The following ROBO1 variants were observed in gnomAD, a reference collection of about 807,000 sequenced individuals.
ROBO1 encodes the protein roundabout guidance receptor 1, also known as roundabout homolog 1.
A neutral mutation model predicts 195.9 loss-of-function variants in ROBO1; 149 were observed. The observed-to-expected ratio is 0.76, with a 90% confidence interval of 0.67 to 0.87. The LOEUF (loss-of-function observed/expected upper bound fraction) is 0.87, where lower values mean the gene tolerates loss of function less well. Ranked by LOEUF, ROBO1 falls within the 40% of genes least tolerant of loss-of-function variation. The pLI, the probability that ROBO1 is intolerant of heterozygous loss-of-function variation, is 0.00. For missense variants in ROBO1, 1,933 were observed against 2,068.3 expected (o/e 0.93, Z 1.27); for synonymous variants, 816 against 733.2 (o/e 1.11, Z -1.82).
intron 10 of ROBO1, among the ~76,000 whole-genome samples, chr3:78,677,861 C>A (rs1245270580): frequency 1.3e-5 from 2 of 151,880 alleles, no homozygotes; most frequent in Non-Finnish European, 2.9e-5. Context: ...CCCAAATCAA[C>A]AGAATATACA....
At chr3:79,288,664 C>T (rs367887767) in intron 2 of ROBO1, among the ~76,000 whole-genome samples, 1 of 152,112 alleles carries the variant, frequency 6.6e-6, no homozygotes, top group African/African-American at 2.4e-5. Context: ...GTTATTGGAC[C>T]CGCTTCCTTT....
intron 5 of ROBO1, among the ~76,000 whole-genome samples, chr3:78,720,654 T>C (rs1463687600): frequency 6.6e-6 from 1 of 152,200 alleles, no homozygotes; most frequent in African/African-American, 2.4e-5. Context: ...CGCATGTTTA[T>C]TATGGCACTA....
intron 5 of ROBO1, among the ~76,000 whole-genome samples, chr3:78,744,438 C>T (rs1398878979): frequency 2.0e-5 from 3 of 152,150 alleles, no homozygotes; most frequent in Non-Finnish European, 4.4e-5. Flanking sequence ...AGGCTTCCCA[C>T]CTTACTTAGA....
intron 1 of ROBO1, among the ~76,000 whole-genome samples, chr3:79,605,576 G>A (rs891848383): frequency 1.4e-4 from 22 of 151,806 alleles, no homozygotes; most frequent in African/African-American, 5.3e-4. Flanking sequence ...AGGTACTCAG[G>A]CTAGATTCCT....
chr3:78,935,789 A>G (rs1020725995), intron 4 of ROBO1, among the ~76,000 whole-genome samples: 7 of 152,064 alleles, frequency 4.6e-5, no homozygotes, highest in African/African-American at 1.7e-4. Context: ...TAAAAAATAA[A>G]TTTTAAAATC....
intron 3 of ROBO1, among the ~76,000 whole-genome samples, chr3:79,086,194 G>A (rs1318719097): frequency 1.3e-5 from 2 of 151,364 alleles, no homozygotes; most frequent in Non-Finnish European, 2.9e-5. Context: ...TCCCTCAAAA[G>A]CTTCCGTGTA....
At chr3:79,525,853 G>T (rs922676506) in intron 2 of ROBO1, among the ~76,000 whole-genome samples, 6 of 151,676 alleles carry the variant, frequency 4.0e-5, no homozygotes, top group East Asian at 1.9e-4. Flanking sequence ...CTCGTGTTCC[G>T]CCTGCCTCAG....
rs1404860368 is a variant in ROBO1 at position 78,711,368 on chromosome 3, TTCCTTC to T, written c.1045+3023_1045+3028del. Among the ~76,000 whole-genome samples, 60 of 59,846 alleles carry T rather than the reference TTCCTTC, an allele frequency of 1.0e-3. 18 individuals are homozygous for T. The highest frequency in any genetic ancestry group is 4.1e-3 in the East Asian group (9 of 2,186). The allele number at this position is 59,846 out of a possible 152,430, so 39.3% of individuals were successfully genotyped here. ...CCTTCCTCCTTCCTTCCTTCCTTCCTTCCTTCCTTCCTTCCTTCCTTCCTTCCTTCC... is the reference window on the plus strand; with the variant it reads ...CCTTCCTCCTTCCTTCCTTCCTTCCTCTTCCTTCCTTCCTTCCTTCCTTCC... On this transcript the variant is annotated intron_variant, in intron 8 of 30. Coordinates refer to ENST00000464233, the MANE Select transcript of ROBO1 (RefSeq NM_002941.4).
rs572672036 is a variant in ROBO1 at position 79,517,984 on chromosome 3, G to A, written c.88+71840C>T. 2.6e-5 allele frequency among the ~76,000 whole-genome samples: 4 copies of A among 152,088 alleles called. No individual in the cohort carries two copies. The South Asian group carries it at 8.3e-4, about 32-fold the overall frequency. On this transcript the variant is annotated intron_variant, in intron 2 of 30. Coordinates refer to ENST00000464233, the MANE Select transcript of ROBO1 (RefSeq NM_002941.4). ...CAGGGTGTTAGGGTTTATTGACCAC[G>A]TTGGCTTGGAGAGCCATCTGGTGGT...
At chr3:78,810,659 G>GGGAAAAGTAAA in intron 4 of ROBO1, among the ~76,000 whole-genome samples, 1 of 151,190 alleles carries the variant, frequency 6.6e-6, no homozygotes, top group South Asian at 2.1e-4. Context: ...TTCTGGTTCT[G>GGGAAAAGTAAA]ATTTACAATG....
chr3:78,669,105 A>T (rs1339531858), intron 11 of ROBO1, among the ~76,000 whole-genome samples: 2 of 152,204 alleles, frequency 1.3e-5, no homozygotes, highest in African/African-American at 4.8e-5. Flanking sequence ...AAGAAGTACA[A>T]AGCCAAACTC....
At chr3:78,696,302 A>AG (rs1382534383) in intron 8 of ROBO1, among the ~76,000 whole-genome samples, 1 of 152,052 alleles carries the variant, frequency 6.6e-6, no homozygotes, top group African/African-American at 2.4e-5. Context: ...TTGCTAAGAG[A>AG]GGGGAAAAGC....
At chr3:78,609,809 A>G (rs776825325) in intron 28 of ROBO1, among the ~76,000 whole-genome samples, 41 of 152,332 alleles carry the variant, frequency 2.7e-4, no homozygotes, top group African/African-American at 9.1e-4. Flanking sequence ...TCATGGCCCT[A>G]AGAAGCATCA....
intron 3 of ROBO1, among the ~76,000 whole-genome samples, chr3:79,079,047 T>G (rs1461030009): frequency 6.6e-6 from 1 of 151,736 alleles, no homozygotes; most frequent in African/African-American, 2.4e-5. Flanking sequence ...TGCACTCACA[T>G]TATCATATAA....
At chr3:79,107,707 A>G (rs1315483790) in intron 3 of ROBO1, among the ~76,000 whole-genome samples, 1 of 151,720 alleles carries the variant, frequency 6.6e-6, no homozygotes, top group Non-Finnish European at 1.5e-5. Context: ...AAAACTCTCA[A>G]TACAGGTAAT....
intron 2 of ROBO1, among the ~76,000 whole-genome samples, chr3:79,249,647 G>A (rs946502235): frequency 2.0e-5 from 3 of 152,172 alleles, no homozygotes; most frequent in African/African-American, 7.2e-5. Flanking sequence ...CTTTAGGTGA[G>A]TAAGTGCAAT....
At chr3:79,740,235 A>AT (rs1703579291) in intron 1 of ROBO1, among the ~76,000 whole-genome samples, 4 of 34,896 alleles carry the variant, frequency 1.1e-4, no homozygotes, top group Non-Finnish European at 1.9e-4. Context: ...ATTTATATAT[A>AT]AATATATATA....
In ROBO1 at chr3:78,662,049, G is replaced by C. The variant is rs1327510404; in HGVS notation, c.2032C>G (p.Leu678Val). ...AGGACGGTGGGGTTGTGGAGGTGCAGAACAGCATTTCCCAGCTCTCTCTGG... is the reference window on the plus strand; with the variant it reads ...AGGACGGTGGGGTTGTGGAGGTGCACAACAGCATTTCCCAGCTCTCTCTGG... ...QVQRELGNAV[L>V]HLHNPTVLSS... The change falls in exon 15 of 31, where the codon CTG becomes GTG. Residue 678 changes from leucine to valine, a missense_variant. This residue lies in a region of ROBO1 where 1,737 missense variants were observed against 1,882.5 expected (regional missense o/e 0.92). Coordinates refer to ENST00000464233, the MANE Select transcript of ROBO1 (RefSeq NM_002941.4). The C allele has an allele frequency of 4.4e-6, 7 of 1,598,830 alleles. No individual in the cohort carries two copies. The highest frequency in any genetic ancestry group is 1.1e-5 in the South Asian group (1 of 87,856).
In ROBO1 at chr3:79,256,984, T is replaced by C. The variant is rs950409108; in HGVS notation, c.89-131445A>G. On this transcript the variant is annotated intron_variant, in intron 2 of 30. Transcript: ENST00000464233. ...ATAGTTTTGGTTAAATCAGTTAATA[T>C]ACCTAAACACAGTCTTACTTTGTTG... 4.6e-5 allele frequency among the ~76,000 whole-genome samples: 7 copies of C among 152,294 alleles called. No homozygotes were observed. In the East Asian group the frequency reaches 1.3e-3, roughly 29 times the overall value.
Sources: gnomAD v4.1 joint callset for allele counts (sites outside exome capture counted in the v4.1 genomes callset) on GRCh38, gnomAD v4.1.1 for gene constraint, gnomAD v4.1.1 regional missense constraint, MANE v1.5 for transcripts, NCBI Gene and HGNC (gene_info 2026-07-23, HGNC 2026-07-21) for gene names.